Variants in PLCB1 observed in about 807,000 individuals in gnomAD.
PLCB1 encodes phospholipase C beta 1.
A neutral mutation model predicts 161.8 loss-of-function variants in PLCB1; 46 were observed. The ratio of observed to expected loss-of-function variants is 0.28; its 90% CI spans 0.22 to 0.36. The LOEUF (loss-of-function observed/expected upper bound fraction) is 0.36, where lower values mean the gene tolerates loss of function less well. PLCB1 is among the 10% of genes least tolerant of loss of function. The pLI is 1.00. For missense variants in PLCB1, 1,016 were observed against 1,472.5 expected, an observed-to-expected ratio of 0.69 and a Z score of 5.07; for synonymous variants, 517 against 503.7, an observed-to-expected ratio of 1.03 and a Z score of -0.35.
At position 8,468,569 on chromosome 20, in the gene PLCB1, T is replaced by C. The variant is rs561193029; in HGVS notation, c.246+97119T>C. ...TCACTTACCATCATACCTGCCACAA[T>C]ACATGCAAGTTTTAGTATAATATCG... On this transcript the variant is annotated intron_variant, in intron 3 of 31. Transcript: ENST00000338037. Among the ~76,000 whole-genome samples, 4 of 152,318 alleles carry C rather than the reference T, an allele frequency of 2.6e-5. No individual in the cohort carries two copies. In the South Asian group the frequency reaches 8.3e-4, roughly 32 times the overall value.
At chr20:8,491,197 G>A (rs1982932031) in intron 3 of PLCB1, among the ~76,000 whole-genome samples, 1 of 151,444 alleles carries the variant, frequency 6.6e-6, no homozygotes, top group African/African-American at 2.4e-5. Context: ...TTATGCTTAG[G>A]TCTTATAAAA....
chr20:8,768,829 C>G lies in PLCB1; in HGVS notation c.2930+3471C>G, dbSNP rs149623647. 2.2e-3 allele frequency among the ~76,000 whole-genome samples: 341 copies of G among 152,318 alleles called. 2 individuals are homozygous for G. The highest frequency in any genetic ancestry group is 0.02 in the Admixed American group (302 of 15,300). ...TCCGTATACTTATAATCTTCTATCT[C>G]TATACAACAAAACAAACAGATGCAT... On this transcript the variant is annotated intron_variant, in intron 26 of 31. Transcript: ENST00000338037.
intron 3 of PLCB1, among the ~76,000 whole-genome samples, chr20:8,579,548 A>T (rs1986770759): frequency 6.6e-6 from 1 of 152,248 alleles, no homozygotes; most frequent in African/African-American, 2.4e-5. Flanking sequence ...TTGATTTCTC[A>T]ATATTCAAAT....
At chr20:8,170,676 C>T (rs1049196687) in intron 2 of PLCB1, among the ~76,000 whole-genome samples, 2 of 152,068 alleles carry the variant, frequency 1.3e-5, no homozygotes, top group African/African-American at 4.8e-5. Context: ...GACCTTTAAT[C>T]TCTGACTTTA....
At chr20:8,856,622 A>C (rs1357259150) in intron 31 of PLCB1, among the ~76,000 whole-genome samples, 1 of 152,186 alleles carries the variant, frequency 6.6e-6, no homozygotes, top group Non-Finnish European at 1.5e-5. Flanking sequence ...GTCTCAAAAA[A>C]ATAAATAAAT....
chr20:8,236,747 A>T (rs1446623862), intron 2 of PLCB1, among the ~76,000 whole-genome samples: 2 of 152,062 alleles, frequency 1.3e-5, no homozygotes, highest in East Asian at 3.9e-4. Flanking sequence ...CATTTTAGAA[A>T]CTTTAAATCC....
At chr20:8,687,754 G>A (rs1263376316) in intron 10 of PLCB1, among the ~76,000 whole-genome samples, 3 of 152,180 alleles carry the variant, frequency 2.0e-5, no homozygotes, top group Admixed American at 1.3e-4. Flanking sequence ...ATTTCAGTTG[G>A]TTCCACGATT....
intron 3 of PLCB1, among the ~76,000 whole-genome samples, chr20:8,523,344 A>G (rs1168472241): frequency 6.7e-6 from 1 of 150,260 alleles, no homozygotes; most frequent in Admixed American, 6.7e-5. Context: ...AAGTCTTTGG[A>G]GCAAAAATTA....
Position 8,749,778 on chromosome 20 carries a change from A to C in PLCB1, c.2524-7268A>C, listed in dbSNP as rs1383139685. ...TGCATTAAATACAAACTTGTTACAG[A>C]CAGCAGAAAGCAGCATCTTCACTCT... On this transcript the variant is annotated intron_variant, in intron 23 of 31. Coordinates refer to ENST00000338037, the MANE Select transcript of PLCB1 (RefSeq NM_015192.4). Among the ~76,000 whole-genome samples, 3 of 152,352 alleles carry C rather than the reference A, an allele frequency of 2.0e-5. No homozygotes were observed. In the East Asian group the frequency reaches 5.8e-4, roughly 29 times the overall value.
At chr20:8,623,502 C>G (rs185866481) in intron 3 of PLCB1, among the ~76,000 whole-genome samples, 4 of 152,220 alleles carry the variant, frequency 2.6e-5, no homozygotes, top group Admixed American at 2.0e-4. Context: ...CATCCCAAAA[C>G]AAATATGAAT....
At chr20:8,470,173 T>C (rs1480154782) in intron 3 of PLCB1, among the ~76,000 whole-genome samples, 1 of 152,208 alleles carries the variant, frequency 6.6e-6, no homozygotes. Flanking sequence ...TACCCATTCA[T>C]CAGTTGATGG....
In PLCB1 at chr20:8,215,324, G is replaced by C. The variant is rs187114040; in HGVS notation, c.177+64953G>C. On this transcript the variant is annotated intron_variant, in intron 2 of 31. Transcript: ENST00000338037. ...CCTGAAAACTTAAGTAGCTAACAGAGAAAAAAAAAAGTTCAAACAGATTCT... is the reference window on the plus strand; with the variant it reads ...CCTGAAAACTTAAGTAGCTAACAGACAAAAAAAAAAGTTCAAACAGATTCT... 1.7e-3 allele frequency among the ~76,000 whole-genome samples: 255 copies of C among 148,938 alleles called. 2 individuals are homozygous for C. The highest frequency in any genetic ancestry group is 4.0e-3 in the African/African-American group (164 of 40,570).
intron 2 of PLCB1, among the ~76,000 whole-genome samples, chr20:8,238,687 A>G (rs1980447931): frequency 6.6e-6 from 1 of 152,018 alleles, no homozygotes; most frequent in Non-Finnish European, 1.5e-5. Context: ...AAAAAGATGA[A>G]ATAAGACAGG....
At chr20:8,667,839 C>G (rs1989850593) in intron 9 of PLCB1, among the ~76,000 whole-genome samples, 1 of 152,102 alleles carries the variant, frequency 6.6e-6, no homozygotes, top group Non-Finnish European at 1.5e-5. Flanking sequence ...CATGGGAGAG[C>G]TATTGGGACA....
At position 8,144,576 on chromosome 20, in the gene PLCB1, G is replaced by T. The variant is rs375871933; in HGVS notation, c.100-5718G>T. On this transcript the variant is annotated intron_variant, in intron 1 of 31. Transcript: ENST00000338037. The stretch of plus-strand genomic sequence containing the variant: ...AAAAGTCTCATCAATGCTGATACAC[G>T]TGGATGTTTTACTCCAATGATCTTA... Among the ~76,000 whole-genome samples the T allele has an allele frequency of 1.2e-3, 189 of 152,242 alleles. 4 individuals carry two copies. In the South Asian group the frequency reaches 0.03, roughly 24 times the overall value.
chr20:8,372,461 A>T (rs1986934704), intron 3 of PLCB1, among the ~76,000 whole-genome samples: 1 of 152,084 alleles, frequency 6.6e-6, no homozygotes, highest in Non-Finnish European at 1.5e-5. Context: ...TTAATTTTTT[A>T]ATTTTTATTT....
chr20:8,560,785 A>T (rs897596735), intron 3 of PLCB1, among the ~76,000 whole-genome samples: 2 of 151,996 alleles, frequency 1.3e-5, no homozygotes, highest in Non-Finnish European at 2.9e-5. Context: ...GTCTTTGACC[A>T]TATGTGTGTA....
intron 3 of PLCB1, among the ~76,000 whole-genome samples, chr20:8,417,253 A>AT (rs1979341394): frequency 6.7e-6 from 1 of 149,918 alleles, no homozygotes. Flanking sequence ...TGCCCAGCTA[A>AT]TTTTTTGTAT....
intron 2 of PLCB1, among the ~76,000 whole-genome samples, chr20:8,153,040 A>G (rs1047635517): frequency 3.9e-5 from 6 of 152,136 alleles, no homozygotes; most frequent in African/African-American, 1.2e-4. Context: ...GCTACCTTCC[A>G]AAACCCCTCC....
Sources: gnomAD v4.1 joint callset for allele counts (sites outside exome capture counted in the v4.1 genomes callset) on GRCh38, gnomAD v4.1.1 for gene constraint, MANE v1.5 for transcripts, NCBI Gene and HGNC (gene_info 2026-07-23, HGNC 2026-07-21) for gene names.